CNTFR: variants seen among roughly 807,000 people sequenced by gnomAD.
CNTFR encodes ciliary neurotrophic factor receptor, also known as ciliary neurotrophic factor receptor subunit alpha.
In CNTFR, 12 loss-of-function variants were observed where a neutral mutation model predicts 40.4. The observed-to-expected ratio is 0.30, with a 90% CI of 0.19 to 0.48. CNTFR has a LOEUF of 0.48. Among genes scored for constraint, CNTFR ranks in the 20% least tolerant of loss-of-function variants. The probability of loss-of-function intolerance (pLI) is 0.99; values close to 1 mark genes in which losing one functional copy is unlikely to be tolerated. For missense variants in CNTFR, 414 were observed against 506.8 expected (o/e 0.82, Z 1.76); for synonymous variants, 202 against 209.6 (o/e 0.96, Z 0.31).
chr9:34,552,706 G>A lies in CNTFR; in HGVS notation c.917C>T (p.Pro306Leu), dbSNP rs1196305931. The A allele has an allele frequency of 5.0e-6, 8 of 1,613,584 alleles. No homozygotes were observed. The highest frequency in any genetic ancestry group is 3.3e-5 in the Admixed American group (2 of 59,984). The change falls in exon 8 of 10, where the codon CCG becomes CTG. Residue 306 changes from proline to leucine, a missense_variant. Around this residue, in one of 3 missense-constraint regions of CNTFR, gnomAD observed 83 missense variants for 145.0 expected, o/e 0.57. Transcript: ENST00000378980. The surrounding 1 kb of genome is among the most constrained non-coding windows in gnomAD (Gnocchi z 5.1). ...CTGGGCCTCCGTGGTGAGGTGTCGC[G>A]GTTCCTCAGTCCAGGGCGTAGCGTG... ...AAHATPWTEE[P>L]RHLTTEAQAA...
chr9:34,555,950 C>T (rs543959011), intron 7 of CNTFR, among the ~76,000 whole-genome samples: 48 of 137,508 alleles, frequency 3.5e-4, no homozygotes, highest in Middle Eastern at 4.0e-3. Flanking sequence ...CTCCCTCCCC[C>T]ACCATCTCCC....
rs1825841634 is a variant in CNTFR, at chr9:34,556,533, A to T, written c.605-115T>A. ...TGCCAACCATTGTCATCAACATCAT[A>T]GTCAGCGTGCCTCTTCTCTGTTGTC... On this transcript the variant is annotated intron_variant, in intron 6 of 9. Coordinates refer to ENST00000378980, the MANE Select transcript of CNTFR (RefSeq NM_147164.3). The T allele has an allele frequency of 1.1e-5, 11 of 1,013,172 alleles. No homozygotes were observed. In the African/African-American group the frequency reaches 1.1e-4, roughly 10 times the overall value. 62.8% of individuals were successfully genotyped at this position (1,013,172 alleles called of 1,614,324 possible).
chr9:34,552,888 C>T lies in CNTFR; in HGVS notation c.769-34G>A. ...AGACCATGGGGTGGGGGTAAGGACA[C>T]ACCTGGGGGCCAGGAGGGTGAGGTC... On this transcript the variant is annotated intron_variant, in intron 7 of 9. Transcript: ENST00000378980. The surrounding 1 kb of genome is among the most constrained non-coding windows in gnomAD (Gnocchi z 5.1). The T allele has an allele frequency of 6.3e-7, 1 of 1,598,442 alleles. No homozygotes were observed. Among genetic ancestry groups the T allele is most frequent in the South Asian group, 1.1e-5 (1 of 90,248 alleles).
chr9:34,565,541 G>A (rs995173926), intron 3 of CNTFR, among the ~76,000 whole-genome samples: 6 of 152,274 alleles, frequency 3.9e-5, no homozygotes, highest in Admixed American at 3.9e-4. Flanking sequence ...AGTTCACAAG[G>A]CAGGAACTAC....
chr9:34,583,768 C>T (rs192117213), intron 1 of CNTFR, among the ~76,000 whole-genome samples: 7 of 152,240 alleles, frequency 4.6e-5, no homozygotes, highest in East Asian at 1.9e-4. Context: ...ACGTCAGGGG[C>T]CTGGATGGGT....
At chr9:34,578,658 G>A (rs1432586268) in intron 2 of CNTFR, among the ~76,000 whole-genome samples, 1 of 152,220 alleles carries the variant, frequency 6.6e-6, no homozygotes, top group Admixed American at 6.5e-5. Context: ...TTTAGGGCAC[G>A]GGAGGCTCCC....
Position 34,557,909 on chromosome 9 carries a change from G to T in CNTFR, c.395C>A (p.Pro132His). 1 of 1,574,126 alleles carries T rather than the reference G, an allele frequency of 6.4e-7. No individual in the cohort carries two copies. ...PKGFYCSWHL[P>H]TPTYIPNTFN... is the part of the protein sequence containing the mutation. ...GGTGTTGGGAATGTAGGTGGGGGTG[G>T]GCAGATGCCAGCTGCAGTAGAAGCC... Residue 132 changes from proline to histidine, a missense_variant, in exon 5 of 10, where the codon CCC (proline) becomes CAC (histidine). By Grantham distance (77) the Pro-to-His change is moderately conservative. Around this residue, in one of 3 missense-constraint regions of CNTFR, gnomAD observed 250 missense variants for 269.5 expected, o/e 0.93. Coordinates refer to ENST00000378980, the MANE Select transcript of CNTFR (RefSeq NM_147164.3). This position sits in a 1 kb window ranked among gnomAD's most constrained non-coding sequence, Gnocchi z 4.2.
At chr9:34,584,700 G>C (rs947441004) in intron 1 of CNTFR, among the ~76,000 whole-genome samples, 4 of 152,182 alleles carry the variant, frequency 2.6e-5, no homozygotes, top group African/African-American at 9.7e-5. Flanking sequence ...CACACCTAGA[G>C]GGTAAGGGAC....
chr9:34,585,312 G>A (rs1282102175), intron 1 of CNTFR, among the ~76,000 whole-genome samples: 1 of 152,116 alleles, frequency 6.6e-6, no homozygotes, highest in East Asian at 1.9e-4. Context: ...GATATATGGT[G>A]GGGCACACTG....
chr9:34,587,473 C>G (rs1024341089), intron 1 of CNTFR, among the ~76,000 whole-genome samples: 1 of 152,124 alleles, frequency 6.6e-6, no homozygotes, highest in African/African-American at 2.4e-5. Flanking sequence ...TGGTATGAGT[C>G]TATGTGTGAG....
chr9:34,571,723 C>G (rs966141476), intron 2 of CNTFR, among the ~76,000 whole-genome samples: 4 of 152,134 alleles, frequency 2.6e-5, no homozygotes, highest in African/African-American at 9.6e-5. Context: ...AGAGTGAGTG[C>G]TGCAGAGTGG....
chr9:34,551,835 GGT>G lies in CNTFR; in HGVS notation c.*234_*235del, dbSNP rs1825635075. The stretch of plus-strand genomic sequence containing the variant: ...AAGGGGCCAGGGTGAGGGGGTCTTT[GGT>G]GGGTGGGTTAGCTGCATGGCCCACC... On this transcript the variant is annotated 3_prime_UTR_variant, in exon 10 of 10. Transcript: ENST00000378980. The G allele has an allele frequency of 1.6e-6, 1 of 639,160 alleles. No individual in the cohort carries two copies. The highest frequency in any genetic ancestry group is 1.8e-5 in the South Asian group (1 of 55,798). 39.6% of individuals were successfully genotyped at this position (639,160 alleles called of 1,614,324 possible).
Position 34,552,441 on chromosome 9 carries a change from C to T in CNTFR, c.950-112G>A. The stretch of plus-strand genomic sequence containing the variant: ...CTGCATCAGACTGGTACTGCCTCCC[C>T]CATCAGGCAGATCCTGTTTCCCAAG... On this transcript the variant is annotated intron_variant, in intron 8 of 9. Coordinates refer to ENST00000378980, the MANE Select transcript of CNTFR (RefSeq NM_147164.3). This position sits in a 1 kb window ranked among gnomAD's most constrained non-coding sequence, Gnocchi z 5.1. 1 of 1,169,492 alleles carries T rather than the reference C, an allele frequency of 8.6e-7. No homozygotes were observed. The highest frequency in any genetic ancestry group is 1.2e-6 in the Non-Finnish European group (1 of 847,370). 72.4% of individuals were successfully genotyped at this position (1,169,492 alleles called of 1,614,324 possible).
At chr9:34,580,259 G>A (rs55874246) in intron 2 of CNTFR, 26,296 of 152,138 alleles carry the variant, frequency 0.17, 2,320 homozygotes, top group East Asian at 0.27. Flanking sequence ...CCCCATCCTA[G>A]TCTGAACTTC....
intron 2 of CNTFR, among the ~76,000 whole-genome samples, chr9:34,580,754 A>G (rs1459617893): frequency 6.6e-6 from 1 of 152,110 alleles, no homozygotes; most frequent in Non-Finnish European, 1.5e-5. Flanking sequence ...TCCTCCAATC[A>G]AATAAGAGAG....
chr9:34,554,734 A>C (rs1004321681), intron 7 of CNTFR, among the ~76,000 whole-genome samples: 6 of 152,248 alleles, frequency 3.9e-5, no homozygotes, highest in Non-Finnish European at 7.4e-5. Context: ...AATCCAAATG[A>C]TGTTTTTCTT....
chr9:34,558,931 C>G (rs921729682), intron 4 of CNTFR, among the ~76,000 whole-genome samples: 1 of 152,126 alleles, frequency 6.6e-6, no homozygotes, highest in South Asian at 2.1e-4. Context: ...TTTTTGCTGC[C>G]GTGAGCACTT....
chr9:34,584,765 C>T (rs1445295403), intron 1 of CNTFR, among the ~76,000 whole-genome samples: 1 of 148,262 alleles, frequency 6.7e-6, no homozygotes, highest in Non-Finnish European at 1.5e-5. Flanking sequence ...AATCCTGAGG[C>T]TGGGAAGGGG....
intron 1 of CNTFR, among the ~76,000 whole-genome samples, chr9:34,581,860 C>A (rs1827303898): frequency 6.6e-6 from 1 of 152,202 alleles, no homozygotes; most frequent in Admixed American, 6.5e-5. Flanking sequence ...GCAGGTCTCT[C>A]ACCCACCTGC....
Sources: allele counts gnomAD v4.1 joint callset (sites outside exome capture counted in the v4.1 genomes callset), GRCh38; gene constraint gnomAD v4.1.1; regional missense constraint gnomAD v4.1.1; non-coding constraint Gnocchi (gnomAD v3.1); transcripts MANE v1.5; gene names NCBI Gene and HGNC (gene_info 2026-07-23, HGNC 2026-07-21).